The following SPCS3 variants were observed in gnomAD, a reference collection of about 807,000 sequenced individuals.
SPCS3 encodes SPase 22 kDa subunit.
Under a neutral mutation model 17.2 loss-of-function variants are expected in SPCS3, and 9 were observed. That is an observed-to-expected ratio of 0.52 (90% CI 0.31 to 0.91). SPCS3 has a LOEUF of 0.91. SPCS3 is among the 40% of genes least tolerant of loss of function. The probability of loss-of-function intolerance (pLI) is 0.04; values close to 1 mark genes in which losing one functional copy is unlikely to be tolerated. For missense variants in SPCS3, 139 were observed against 217.5 expected (o/e 0.64, Z 2.27); for synonymous variants, 87 against 89.6 (o/e 0.97, Z 0.16).
chr4:176,322,105 A>G (rs1731546331), intron 1 of SPCS3, 65 bp from the exon 2 acceptor site: 1 of 1,077,884 alleles, frequency 9.3e-7, no homozygotes, highest in Non-Finnish European at 1.4e-6. Context: ...CTTTCTCTTT[A>G]AGAAGTTACG....
Position 176,320,032 on chromosome 4 carries a change from G to T in SPCS3, c.-45G>T, listed in dbSNP as rs377486577. On this transcript the variant is annotated 5_prime_UTR_variant, in exon 1 of 5. Transcript: ENST00000503362. ...GAGCCGGTCCGCCGCCGGAACGGGA[G>T]CCTGGGTGTGCGTGTGGAGTCCGGA... 13 of 1,472,594 alleles carry T rather than the reference G, an allele frequency of 8.8e-6. No homozygotes were observed. Among genetic ancestry groups the T allele is most frequent in the African/African-American group, 8.7e-5 (6 of 68,944 alleles). The allele number at this position is 1,472,594 out of a possible 1,614,324, so 91.2% of individuals were successfully genotyped here.
At chr4:176,321,864 C>T (rs1176400650) in intron 1 of SPCS3, 1 of 202,510 alleles carries the variant, frequency 4.9e-6, no homozygotes, top group African/African-American at 2.3e-5. Flanking sequence ...GTGTAGCTTT[C>T]TTCTACCCAT....
chr4:176,320,032 G>A lies in SPCS3; in HGVS notation c.-45G>A, dbSNP rs377486577. The A allele has an allele frequency of 6.8e-6, 10 of 1,472,594 alleles. No individual in the cohort carries two copies. Among genetic ancestry groups the A allele is most frequent in the Middle Eastern group, 1.8e-4 (1 of 5,550 alleles). 91.2% of individuals were successfully genotyped at this position (1,472,594 alleles called of 1,614,324 possible). On this transcript the variant is annotated 5_prime_UTR_variant, in exon 1 of 5. Transcript: ENST00000503362. ...GAGCCGGTCCGCCGCCGGAACGGGA[G>A]CCTGGGTGTGCGTGTGGAGTCCGGA...
chr4:176,327,043 CA>C (rs1227891005), intron 3 of SPCS3, 118 bp from the exon 4 acceptor site: 1 of 598,778 alleles, frequency 1.7e-6, no homozygotes, highest in Non-Finnish European at 2.9e-6. Context: ...AAGATTTCAG[CA>C]AGCTCCTCAA....
rs1731637531 is a variant in SPCS3 at position 176,328,435 on chromosome 4, G to GT, written c.*105_*106insT. 2.8e-5 allele frequency: 23 copies of GT among 818,704 alleles called. No individual in the cohort carries two copies. The highest frequency in any genetic ancestry group is 7.4e-5 in the East Asian group (2 of 26,966). 50.7% of individuals were successfully genotyped at this position (818,704 alleles called of 1,614,324 possible). On this transcript the variant is annotated 3_prime_UTR_variant, in exon 5 of 5. Transcript: ENST00000503362. ...ATTGTTGGTTTGTTTTTTGGTTTTG[G>GT]GTTTTTTTTTTTTTTTTTTTGGTAT...
intron 2 of SPCS3, among the ~76,000 whole-genome samples, chr4:176,322,730 TC>T (rs1731554950): frequency 6.6e-6 from 1 of 152,132 alleles, no homozygotes; most frequent in Non-Finnish European, 1.5e-5. Context: ...CTTTTTGCCG[TC>T]ATAACTCTTT....
chr4:176,328,060 TTG>T, intron 4 of SPCS3, 136 bp from the exon 5 acceptor site: 1 of 756,012 alleles, frequency 1.3e-6, no homozygotes, highest in Non-Finnish European at 2.0e-6. Context: ...ATAGTTCTTT[TTG>T]CAGATTAACA....
chr4:176,323,523 G>C (rs770230048), intron 2 of SPCS3, among the ~76,000 whole-genome samples: 1 of 152,104 alleles, frequency 6.6e-6, no homozygotes, highest in Non-Finnish European at 1.5e-5. Flanking sequence ...ATAGTAAAAT[G>C]AGTTAACTTA....
At chr4:176,321,662 A>G (rs1560837111) in intron 1 of SPCS3, 2 of 152,614 alleles carry the variant, frequency 1.3e-5, no homozygotes, top group Non-Finnish European at 2.9e-5. Flanking sequence ...ACAATATACT[A>G]TAATAAAAGT....
rs1206156804 is a variant in SPCS3 at position 176,332,120 on chromosome 4, A to G, written c.*3790A>G. 1.3e-5 allele frequency: 2 copies of G among 152,202 alleles called. No individual in the cohort carries two copies. The highest frequency in any genetic ancestry group is 2.9e-5 in the Non-Finnish European group (2 of 68,096). 9.4% of individuals were successfully genotyped at this position (152,202 alleles called of 1,614,324 possible). A position where few individuals can be genotyped will look rare whatever the true frequency, so the allele number is the denominator to read the frequency against. On this transcript the variant is annotated 3_prime_UTR_variant, in exon 5 of 5. Transcript: ENST00000503362. ...TTAAAATATCTTCTCCAGAGACTGT[A>G]TGCTCCTATACTAGACTGTAAGCTC...
chr4:176,324,377 G>A (rs1056435563), intron 3 of SPCS3, 120 bp downstream of exon 3: 3 of 454,964 alleles, frequency 6.6e-6, no homozygotes, highest in African/African-American at 6.2e-5. Flanking sequence ...AACATCACAA[G>A]CCAGTGGAGG....
At chr4:176,325,087 T>C (rs1731588421) in intron 3 of SPCS3, among the ~76,000 whole-genome samples, 1 of 150,570 alleles carries the variant, frequency 6.6e-6, no homozygotes, top group South Asian at 2.1e-4. Context: ...GTCTCGTGCT[T>C]GTAGCCCGGG....
At chr4:176,323,623 GTCC>G (rs1380882756) in intron 2 of SPCS3, among the ~76,000 whole-genome samples, 1 of 152,154 alleles carries the variant, frequency 6.6e-6, no homozygotes, top group African/African-American at 2.4e-5. Flanking sequence ...TGAAGTTCTT[GTCC>G]TCTTTGGGAG....
rs1317867617 is a variant in SPCS3, at chr4:176,322,178, T to G, written c.152T>G (p.Val51Gly). The G allele has an allele frequency of 6.2e-7, 1 of 1,600,382 alleles. No individual in the cohort carries two copies. Among genetic ancestry groups the G allele is most frequent in the Non-Finnish European group, 8.6e-7 (1 of 1,168,282 alleles). ...LHVSRIMLKN[V>G]EDFTGPRERS... is the part of the protein sequence containing the mutation. ...TTTATCTTTATTCCTAGAAAAAATG[T>G]AGAAGATTTCACTGGACCTAGAGAA... The change falls in exon 2 of 5, where the codon GTA (valine) becomes GGA (glycine). Residue 51 changes from valine to glycine, a missense_variant. By Grantham distance (109) the Val-to-Gly change is moderately radical. Transcript: ENST00000503362.
chr4:176,327,165 C>T lies in SPCS3; in HGVS notation c.298C>T (p.Leu100=). The T allele has an allele frequency of 6.4e-7, 1 of 1,565,494 alleles. No homozygotes were observed. Among genetic ancestry groups the T allele is most frequent in the East Asian group, 2.3e-5 (1 of 43,752 alleles). ...ATTAATTTTCATTTTAATATAGGCT[C>T]TGAACCAAGTTGTCCTATGGGACAA... is the stretch of plus-strand genomic sequence containing the variant. ...SAEYSTKNNA[L]NQVVLWDKIV... The change falls in exon 4 of 5, where the codon CTG becomes TTG. Residue 100 remains leucine, a synonymous_variant. Coordinates refer to ENST00000503362, the MANE Select transcript of SPCS3 (RefSeq NM_021928.4).
Position 176,328,421 on chromosome 4 carries a change from GT to G in SPCS3, c.*97del. On this transcript the variant is annotated 3_prime_UTR_variant, in exon 5 of 5. Coordinates refer to ENST00000503362, the MANE Select transcript of SPCS3 (RefSeq NM_021928.4). ...TTACATCTTCATGTATTGTTGGTTT[GT>G]TTTTTGGTTTTGGGTTTTTTTTTTT... 3.0e-6 allele frequency: 2 copies of G among 657,162 alleles called. No individual in the cohort carries two copies. The highest frequency in any genetic ancestry group is 2.4e-5 in the African/African-American group (1 of 41,194). 40.7% of individuals were successfully genotyped at this position (657,162 alleles called of 1,614,324 possible).
chr4:176,320,300 TGCCGTGCCGGGGCC>T (rs1219231606), intron 1 of SPCS3, 81 bp downstream of exon 1: 11 of 1,224,822 alleles, frequency 9.0e-6, no homozygotes, highest in Non-Finnish European at 1.1e-5. Context: ...GCGCCGGGGC[TGCCGTGCCGGGGCC>T]GCGGGCAGGG....
intron 1 of SPCS3, 70 bp downstream of exon 1, chr4:176,320,289 C>A: frequency 7.9e-7 from 1 of 1,269,536 alleles, no homozygotes; most frequent in Non-Finnish European, 1.0e-6. Context: ...GCCGGGCCGC[C>A]GCGCCGGGGC....
rs1400400828 is a variant in SPCS3, at chr4:176,330,925, AT to A, written c.*2602del. 10 of 152,164 alleles carry A rather than the reference AT, an allele frequency of 6.6e-5. No homozygotes were observed. Among genetic ancestry groups the A allele is most frequent in the Admixed American group, 2.0e-4 (3 of 15,280 alleles). The allele number at this position is 152,164 out of a possible 1,614,324, so 9.4% of individuals were successfully genotyped here. The stretch of plus-strand genomic sequence containing the variant: ...AACCTAGACAAACATCTGTATCAGT[AT>A]TTTTTTATTCCCCTGATTGATTACA... On this transcript the variant is annotated 3_prime_UTR_variant, in exon 5 of 5. Transcript: ENST00000503362.
Sources: allele counts gnomAD v4.1 joint callset (sites outside exome capture counted in the v4.1 genomes callset), GRCh38; gene constraint gnomAD v4.1.1; transcripts MANE v1.5; gene names NCBI Gene and HGNC (gene_info 2026-07-23, HGNC 2026-07-21).